PIBF1: variants seen among roughly 807,000 people sequenced by gnomAD.
The protein encoded by PIBF1 is progesterone immunomodulatory binding factor 1, also known as progesterone-induced-blocking factor 1.
In PIBF1, 90 loss-of-function variants were observed where a neutral mutation model predicts 112.5. That is an observed-to-expected ratio of 0.80 (90% CI 0.67 to 0.95). The LOEUF (loss-of-function observed/expected upper bound fraction) is 0.95. Among genes scored for constraint, PIBF1 ranks in the 40% least tolerant of loss-of-function variants. The probability of loss-of-function intolerance (pLI) is 0.00; values close to 1 mark genes in which losing one functional copy is unlikely to be tolerated. For missense variants in PIBF1, 915 were observed against 852.3 expected (o/e 1.07, Z -0.92); for synonymous variants, 301 against 288.6 (o/e 1.04, Z -0.44).
At chr13:72,965,253 A>G (rs769788038) in intron 14 of PIBF1, 21 bp from the exon 15 acceptor site, 2 of 1,601,738 alleles carry the variant, frequency 1.2e-6, no homozygotes, top group South Asian at 1.1e-5. Context: ...CTAGATTTTA[A>G]TGAAACCTGT....
At chr13:72,828,745 G>A (rs1374388581) in intron 8 of PIBF1, among the ~76,000 whole-genome samples, 5 of 152,246 alleles carry the variant, frequency 3.3e-5, no homozygotes, top group East Asian at 3.9e-4. Context: ...GTAAACATAC[G>A]TGTGCATGTG....
chr13:72,862,218 A>G (rs1444380946), intron 10 of PIBF1, among the ~76,000 whole-genome samples: 2 of 152,248 alleles, frequency 1.3e-5, no homozygotes, highest in South Asian at 2.1e-4. Context: ...GGAAACAGCA[A>G]TGTTGTAAAT....
At position 72,923,053 on chromosome 13, in the gene PIBF1, G is replaced by A. The variant is rs139880802; in HGVS notation, c.1730+5887G>A. Among the ~76,000 whole-genome samples the A allele has an allele frequency of 8.8e-3, 1,347 of 152,230 alleles. 66 individuals are homozygous for A. Among genetic ancestry groups the A allele is most frequent in the East Asian group, 9.6e-3 (50 of 5,182 alleles). ...TTTGATGCCATGCTAGTAGAGACAG[G>A]ACTCTGATCTACTGAAAACTGAGAA... On this transcript the variant is annotated intron_variant, in intron 13 of 17. Transcript: ENST00000326291.
chr13:72,788,827 T>C (rs766570054), intron 2 of PIBF1, among the ~76,000 whole-genome samples: 6 of 152,186 alleles, frequency 3.9e-5, no homozygotes, highest in Non-Finnish European at 5.9e-5. Flanking sequence ...CCCATCAAAA[T>C]CTTTTTTTAG....
At chr13:72,794,790 G>C (rs142272673) in intron 3 of PIBF1, among the ~76,000 whole-genome samples, 11 of 152,282 alleles carry the variant, frequency 7.2e-5, no homozygotes, top group African/African-American at 2.6e-4. Flanking sequence ...CCAGTCTTGG[G>C]TATGTCTTTA....
At chr13:72,923,916 G>T (rs1251233148) in intron 13 of PIBF1, among the ~76,000 whole-genome samples, 1 of 152,114 alleles carries the variant, frequency 6.6e-6, no homozygotes, top group Non-Finnish European at 1.5e-5. Flanking sequence ...GTCAGCCCAG[G>T]TCACGCCATT....
chr13:72,905,296 G>A (rs1261736615), intron 11 of PIBF1, among the ~76,000 whole-genome samples: 2 of 151,722 alleles, frequency 1.3e-5, no homozygotes, highest in Non-Finnish European at 2.9e-5. Context: ...TTGAACTGCT[G>A]ACCTCGTGAT....
chr13:72,860,321 G>C (rs2038637778), intron 10 of PIBF1, among the ~76,000 whole-genome samples: 1 of 142,920 alleles, frequency 7.0e-6, no homozygotes, highest in African/African-American at 2.8e-5. Context: ...GTGTGTGTGT[G>C]TGTGTGTGTG....
At chr13:72,838,994 A>G (rs2037485547) in intron 9 of PIBF1, among the ~76,000 whole-genome samples, 1 of 152,234 alleles carries the variant, frequency 6.6e-6, no homozygotes, top group African/African-American at 2.4e-5. Context: ...GAAGCAGGAA[A>G]TGGGCCCAAA....
At chr13:72,999,134 C>T (rs1594346373) in intron 17 of PIBF1, 139 bp downstream of exon 17, 1 of 571,636 alleles carries the variant, frequency 1.7e-6, no homozygotes, top group East Asian at 2.9e-5. Flanking sequence ...GAAGGATTTG[C>T]ATTAATCCAT....
chr13:72,877,728 T>C (rs1184321491), intron 10 of PIBF1, among the ~76,000 whole-genome samples: 2 of 151,886 alleles, frequency 1.3e-5, no homozygotes, highest in Non-Finnish European at 2.9e-5. Flanking sequence ...GACCACTGTT[T>C]CATTTCTTTT....
intron 16 of PIBF1, among the ~76,000 whole-genome samples, chr13:72,980,427 A>G (rs183275506): frequency 6.6e-6 from 1 of 152,330 alleles, no homozygotes; most frequent in East Asian, 1.9e-4. Flanking sequence ...TAACAGAGCC[A>G]GTTGTACGCA....
chr13:72,955,939 T>TAGAGA (rs2042433977), intron 14 of PIBF1, among the ~76,000 whole-genome samples: 1 of 152,236 alleles, frequency 6.6e-6, no homozygotes, highest in Non-Finnish European at 1.5e-5. Flanking sequence ...ACCATCTCTC[T>TAGAGA]AGATTGCTTT....
At position 72,927,966 on chromosome 13, in the gene PIBF1, T is replaced by TATATATACACAC. The variant is rs1555316891; in HGVS notation, c.1731-3192_1731-3191insCACACATATATA. Among the ~76,000 whole-genome samples the TATATATACACAC allele has an allele frequency of 8.2e-3, 819 of 99,434 alleles. 51 individuals carry two copies. The highest frequency in any genetic ancestry group is 0.053 in the African/African-American group (791 of 15,038). 65.2% of individuals were successfully genotyped at this position (99,434 alleles called of 152,430 possible). ...GTGTGTATATATATATATACACATA[T>TATATATACACAC]ATATATATATACATATATATATACA... On this transcript the variant is annotated intron_variant, in intron 13 of 17. Transcript: ENST00000326291.
At chr13:72,995,705 A>C (rs1172440905) in intron 16 of PIBF1, among the ~76,000 whole-genome samples, 2 of 152,162 alleles carry the variant, frequency 1.3e-5, no homozygotes, top group Non-Finnish European at 2.9e-5. Context: ...TAATCCCAGC[A>C]CTTTGGGAGG....
intron 10 of PIBF1, among the ~76,000 whole-genome samples, chr13:72,886,707 A>G (rs1327251826): frequency 6.6e-6 from 1 of 151,970 alleles, no homozygotes; most frequent in Non-Finnish European, 1.5e-5. Context: ...AATTCTTATA[A>G]ATCCATGGTA....
At chr13:72,830,559 T>A (rs1442771345) in intron 8 of PIBF1, among the ~76,000 whole-genome samples, 4 of 152,206 alleles carry the variant, frequency 2.6e-5, no homozygotes, top group African/African-American at 7.2e-5. Flanking sequence ...TGGTTCTGTT[T>A]ATGTGATGGA....
chr13:72,931,814 G>T (rs2041712780), intron 14 of PIBF1, among the ~76,000 whole-genome samples: 1 of 144,974 alleles, frequency 6.9e-6, no homozygotes, highest in Non-Finnish European at 1.5e-5. Flanking sequence ...CTGTACTTTT[G>T]AAATGCGAGT....
chr13:72,810,772 A>T (rs1231643958), intron 5 of PIBF1, among the ~76,000 whole-genome samples: 1 of 152,202 alleles, frequency 6.6e-6, no homozygotes, highest in African/African-American at 2.4e-5. Context: ...TATTAAATTT[A>T]AAATGTATAA....
Sources: gnomAD v4.1 joint callset for allele counts (sites outside exome capture counted in the v4.1 genomes callset) on GRCh38, gnomAD v4.1.1 for gene constraint, MANE v1.5 for transcripts, NCBI Gene and HGNC (gene_info 2026-07-23, HGNC 2026-07-21) for gene names.